FOXN2: variants seen among roughly 807,000 people sequenced by gnomAD.
FOXN2 encodes the protein forkhead box protein N2.
In FOXN2, 19 loss-of-function variants were observed where a neutral mutation model predicts 41.2. The ratio of observed to expected loss-of-function variants is 0.46; its 90% CI spans 0.32 to 0.68. The LOEUF (loss-of-function observed/expected upper bound fraction) is 0.68. Ranked by LOEUF, FOXN2 falls within the 30% of genes least tolerant of loss-of-function variation. FOXN2 has a pLI of 0.03. For missense variants in FOXN2, 587 were observed against 509.4 expected, an observed-to-expected ratio of 1.15 and a Z score of -1.47; for synonymous variants, 195 against 176.8, an observed-to-expected ratio of 1.10 and a Z score of -0.82.
At chr2:48,329,306 T>A (rs1336180640) in intron 2 of FOXN2, among the ~76,000 whole-genome samples, 1 of 152,208 alleles carries the variant, frequency 6.6e-6, no homozygotes, top group Non-Finnish European at 1.5e-5. Context: ...ATTGAATCTG[T>A]GCAAGTTAGT....
At chr2:48,329,818 G>C (rs748350992) in intron 2 of FOXN2, among the ~76,000 whole-genome samples, 1 of 152,036 alleles carries the variant, frequency 6.6e-6, no homozygotes, top group Non-Finnish European at 1.5e-5. Context: ...AAGGTTGTGA[G>C]TTCCTTCCTT....
intron 1 of FOXN2, among the ~76,000 whole-genome samples, chr2:48,326,788 A>AT (rs1476403466): frequency 1.3e-5 from 2 of 152,204 alleles, no homozygotes; most frequent in African/African-American, 4.8e-5. Context: ...CCTTCAGGCT[A>AT]TTTGTATAAG....
intron 5 of FOXN2, among the ~76,000 whole-genome samples, chr2:48,369,071 AT>A (rs1381301800): frequency 6.6e-6 from 1 of 152,186 alleles, no homozygotes; most frequent in East Asian, 1.9e-4. Flanking sequence ...TTTAAGGTGT[AT>A]TTTTCCTACC....
chr2:48,358,769 T>G (rs987613007), intron 3 of FOXN2, among the ~76,000 whole-genome samples: 4 of 152,150 alleles, frequency 2.6e-5, no homozygotes. Context: ...TAATTCAAAT[T>G]TTAAGAAAGA....
intron 2 of FOXN2, among the ~76,000 whole-genome samples, chr2:48,330,699 A>G (rs903053970): frequency 2.0e-5 from 3 of 152,170 alleles, no homozygotes; most frequent in Non-Finnish European, 4.4e-5. Context: ...TAGCAAGTCA[A>G]TAACATAAAG....
At position 48,346,141 on chromosome 2, in the gene FOXN2, C is replaced by G. The variant is rs752623652; in HGVS notation, c.-14-60C>G. ...TTGGGGATATTTACATATGTATTTTCTTTTTCCCAGAGTTTAAGAATCTAA... is the reference window on the plus strand; with the variant it reads ...TTGGGGATATTTACATATGTATTTTGTTTTTCCCAGAGTTTAAGAATCTAA... On this transcript the variant is annotated intron_variant, in intron 2 of 6. Transcript: ENST00000340553. 7 of 1,430,360 alleles carry G rather than the reference C, an allele frequency of 4.9e-6. No individual in the cohort carries two copies. In the East Asian group the frequency reaches 1.6e-4, roughly 33 times the overall value. 88.6% of individuals were successfully genotyped at this position (1,430,360 alleles called of 1,614,324 possible).
intron 1 of FOXN2, among the ~76,000 whole-genome samples, chr2:48,317,595 C>CCT (rs1669006573): frequency 2.9e-5 from 1 of 34,712 alleles, no homozygotes; most frequent in African/African-American, 8.7e-5. Context: ...TATAGTATTG[C>CCT]TTTTTTTTTT....
intron 5 of FOXN2, among the ~76,000 whole-genome samples, chr2:48,369,344 C>T (rs1463175511): frequency 1.3e-5 from 2 of 152,010 alleles, no homozygotes; most frequent in African/African-American, 4.8e-5. Flanking sequence ...TCAAGACCAG[C>T]CTGACCAACA....
At chr2:48,349,431 T>C (rs939864617) in intron 3 of FOXN2, among the ~76,000 whole-genome samples, 6 of 152,032 alleles carry the variant, frequency 3.9e-5, no homozygotes, top group South Asian at 2.1e-4. Flanking sequence ...TGGGCCGAGA[T>C]TGTGCCAGTG....
rs1449983151 is a variant in FOXN2 at position 48,346,618 on chromosome 2, T to A, written c.404T>A (p.Val135Asp). ...CACTCTCCAAATAAATGTTTGCCTG[T>A]CAAAGAAATTTATAGCTGGATTCTG... ...IEHSPNKCLP[V>D]KEIYSWILDH... The change falls in exon 3 of 7, where the codon GTC becomes GAC. Residue 135 changes from valine (V) to aspartate (D), a missense_variant. Coordinates refer to ENST00000340553, the MANE Select transcript of FOXN2 (RefSeq NM_002158.4). 6.2e-7 allele frequency: 1 copy of A among 1,614,214 alleles called. No individual in the cohort carries two copies. Among genetic ancestry groups the A allele is most frequent in the Non-Finnish European group, 8.5e-7 (1 of 1,180,022 alleles).
chr2:48,375,564 CATTTTTG>C lies in FOXN2; in HGVS notation c.*122_*128del. ...TACTAATTACTTATTTCTTTCAAAA[CATTTTTG>C]GTTTTTGGTTTTTAAAATTTTTATT... On this transcript the variant is annotated 3_prime_UTR_variant, in exon 7 of 7. Coordinates refer to ENST00000340553, the MANE Select transcript of FOXN2 (RefSeq NM_002158.4). The C allele has an allele frequency of 8.9e-7, 1 of 1,120,394 alleles. No individual in the cohort carries two copies. The highest frequency in any genetic ancestry group is 1.7e-5 in the South Asian group (1 of 57,158). 69.4% of individuals were successfully genotyped at this position (1,120,394 alleles called of 1,614,324 possible).
At position 48,375,633 on chromosome 2, in the gene FOXN2, A is replaced by C. The variant is rs1174668615; in HGVS notation, c.*190A>C. On this transcript the variant is annotated 3_prime_UTR_variant, in exon 7 of 7. Coordinates refer to ENST00000340553, the MANE Select transcript of FOXN2 (RefSeq NM_002158.4). ...GTTAGGATCATGCCTGATCAGAAAT[A>C]CATGATGTGAAGTCCTAAAAGCATA... The C allele has an allele frequency of 1.7e-5, 9 of 544,846 alleles. No individual in the cohort carries two copies. Among genetic ancestry groups the C allele is most frequent in the Non-Finnish European group, 2.9e-5 (9 of 314,714 alleles). 33.8% of individuals were successfully genotyped at this position (544,846 alleles called of 1,614,324 possible). A position where few individuals can be genotyped will look rare whatever the true frequency, so the allele number is the denominator to read the frequency against.
intron 3 of FOXN2, 102 bp downstream of exon 3, chr2:48,346,853 T>C: frequency 2.2e-6 from 2 of 900,280 alleles, no homozygotes; most frequent in Non-Finnish European, 1.6e-6. Flanking sequence ...AGTAGTCAAG[T>C]CAAATTACTT....
At chr2:48,328,323 C>G (rs1669813514) in intron 1 of FOXN2, among the ~76,000 whole-genome samples, 1 of 152,190 alleles carries the variant, frequency 6.6e-6, no homozygotes, top group South Asian at 2.1e-4. Context: ...CCAAAATCCA[C>G]AGATGCTCAA....
chr2:48,362,555 A>G, intron 4 of FOXN2, 88 bp from the exon 5 acceptor site: 1 of 1,137,194 alleles, frequency 8.8e-7, no homozygotes, highest in Non-Finnish European at 1.3e-6. Context: ...GGCGGCCAGC[A>G]GAGTGAGAGA....
At chr2:48,373,381 T>TAA in intron 6 of FOXN2, 21 bp downstream of exon 6, 2 of 1,464,592 alleles carry the variant, frequency 1.4e-6, no homozygotes, top group Admixed American at 2.2e-5. Context: ...ATGCCTTTTT[T>TAA]AAAAAAAAAT....
At chr2:48,317,066 G>A (rs1348871715) in intron 1 of FOXN2, among the ~76,000 whole-genome samples, 1 of 152,102 alleles carries the variant, frequency 6.6e-6, no homozygotes, top group African/African-American at 2.4e-5. Context: ...AAAAGTAAAT[G>A]AGGTCATAAA....
Position 48,376,062 on chromosome 2 carries a change from GAC to G in FOXN2, c.*621_*622del, listed in dbSNP as rs1673230775. On this transcript the variant is annotated 3_prime_UTR_variant, in exon 7 of 7. Coordinates refer to ENST00000340553, the MANE Select transcript of FOXN2 (RefSeq NM_002158.4). ...ACAAAGAGTTCTAAGACTTAGAAAA[GAC>G]AATTTTGTGGTGTCATTTCATCCAA... is the stretch of plus-strand genomic sequence containing the variant. The G allele has an allele frequency of 6.6e-6, 1 of 152,140 alleles. No homozygotes were observed. The highest frequency in any genetic ancestry group is 1.5e-5 in the Non-Finnish European group (1 of 68,028). The allele number at this position is 152,140 out of a possible 1,614,324, so 9.4% of individuals were successfully genotyped here. A position where few individuals can be genotyped will look rare whatever the true frequency, so the allele number is the denominator to read the frequency against.
chr2:48,353,497 G>A (rs1671585134), intron 3 of FOXN2, among the ~76,000 whole-genome samples: 1 of 150,888 alleles, frequency 6.6e-6, no homozygotes, highest in African/African-American at 2.4e-5. Flanking sequence ...TCTCCCACTA[G>A]GGAAGATATG....
Sources: gnomAD v4.1 joint callset for allele counts (sites outside exome capture counted in the v4.1 genomes callset) on GRCh38, gnomAD v4.1.1 for gene constraint, MANE v1.5 for transcripts, NCBI Gene and HGNC (gene_info 2026-07-23, HGNC 2026-07-21) for gene names.